DOCK2: variants seen among roughly 807,000 people sequenced by gnomAD.
DOCK2 encodes the protein dedicator of cytokinesis protein 2.
In DOCK2, 87 loss-of-function variants were observed where a neutral mutation model predicts 248.9. The observed-to-expected ratio is 0.35, with a 90% CI of 0.29 to 0.42. The LOEUF (loss-of-function observed/expected upper bound fraction) is 0.42, where lower values mean the gene tolerates loss of function less well. Ranked by LOEUF, DOCK2 falls within the 10% of genes least tolerant of loss-of-function variation. The probability of loss-of-function intolerance (pLI) is 1.00; values close to 1 mark genes in which losing one functional copy is unlikely to be tolerated. For synonymous variants in DOCK2, 805 were observed against 821.6 expected (o/e 0.98, Z 0.35); for missense variants, 1,747 against 2,300.2 (o/e 0.76, Z 4.92).
chr5:169,741,966 T>C (rs1233737456), intron 22 of DOCK2, among the ~76,000 whole-genome samples: 18 of 151,962 alleles, frequency 1.2e-4, no homozygotes, highest in Admixed American at 1.1e-3. Context: ...CCCACCACCC[T>C]GCCCAGCTAA....
chr5:169,703,139 A>G (rs1229749385), intron 14 of DOCK2, among the ~76,000 whole-genome samples: 1 of 152,140 alleles, frequency 6.6e-6, no homozygotes, highest in East Asian at 1.9e-4. Context: ...TTAGCTGAAA[A>G]GAAAATCAGC....
chr5:169,783,120 G>A (rs1192964076), intron 25 of DOCK2, among the ~76,000 whole-genome samples: 2 of 152,182 alleles, frequency 1.3e-5, no homozygotes, highest in Non-Finnish European at 2.9e-5. Flanking sequence ...GACTTCAGAG[G>A]AGAGAGCCAG....
At chr5:169,990,309 G>A (rs1005877923) in intron 29 of DOCK2, among the ~76,000 whole-genome samples, 10 of 152,090 alleles carry the variant, frequency 6.6e-5, no homozygotes, top group African/African-American at 2.4e-4. Flanking sequence ...ACATTGGCCA[G>A]GCTAGTCTCG....
At chr5:169,695,989 G>A in intron 10 of DOCK2, 51 bp downstream of exon 10, 2 of 1,535,766 alleles carry the variant, frequency 1.3e-6, no homozygotes, top group Non-Finnish European at 1.8e-6. Flanking sequence ...CACATTTTAT[G>A]TGGCTGAATT....
intron 32 of DOCK2, among the ~76,000 whole-genome samples, chr5:170,016,214 A>G (rs975623714): frequency 6.6e-6 from 1 of 152,180 alleles, no homozygotes; most frequent in African/African-American, 2.4e-5. Context: ...TCTAATTGGT[A>G]TCTGTTCCCA....
Position 169,719,499 on chromosome 5 carries a change from G to A in DOCK2, c.2267+708G>A, listed in dbSNP as rs73798760. 4.6e-5 allele frequency among the ~76,000 whole-genome samples: 7 copies of A among 152,268 alleles called. No homozygotes were observed. In the East Asian group the frequency reaches 5.8e-4, roughly 13 times the overall value. ...GATTCTTAGTGCAAACAAAGAACAC[G>A]CAACTGAAACTGACTTAGGGAGAAA... is the stretch of plus-strand genomic sequence containing the variant. On this transcript the variant is annotated intron_variant, in intron 22 of 51. Coordinates refer to ENST00000520908, the MANE Select transcript of DOCK2 (RefSeq NM_004946.3).
At chr5:169,665,780 G>A (rs1235595608) in intron 2 of DOCK2, among the ~76,000 whole-genome samples, 1 of 152,162 alleles carries the variant, frequency 6.6e-6, no homozygotes, top group Non-Finnish European at 1.5e-5. Context: ...AGGCCATGTG[G>A]CTTGGAAATG....
chr5:169,686,031 A>G (rs563399444), intron 8 of DOCK2, among the ~76,000 whole-genome samples: 1 of 152,342 alleles, frequency 6.6e-6, no homozygotes, highest in South Asian at 2.1e-4. Flanking sequence ...CTAACCTCAA[A>G]GAGTCAGCCC....
intron 35 of DOCK2, among the ~76,000 whole-genome samples, chr5:170,036,193 T>TAG (rs75993333): frequency 0.052 from 7,896 of 152,176 alleles, 311 homozygotes; most frequent in Middle Eastern, 0.23. Context: ...CTGGTTAAAG[T>TAG]AGACTACCCC....
chr5:169,915,827 A>C (rs1433655786), intron 27 of DOCK2, among the ~76,000 whole-genome samples: 3 of 152,216 alleles, frequency 2.0e-5, no homozygotes, highest in African/African-American at 7.2e-5. Context: ...ACATAAATCT[A>C]AGAAATGCAG....
intron 27 of DOCK2, among the ~76,000 whole-genome samples, chr5:169,906,865 C>T (rs1346152695): frequency 6.6e-6 from 1 of 152,172 alleles, no homozygotes; most frequent in Non-Finnish European, 1.5e-5. Flanking sequence ...CCGCCTCTGT[C>T]CTGCTGGAAA....
At chr5:169,829,926 G>A (rs1225755985) in intron 26 of DOCK2, among the ~76,000 whole-genome samples, 1 of 152,228 alleles carries the variant, frequency 6.6e-6, no homozygotes, top group Non-Finnish European at 1.5e-5. Flanking sequence ...TTCCTGGAAA[G>A]TAGACTGGAG....
chr5:170,067,901 T>C (rs1181459941), intron 45 of DOCK2, among the ~76,000 whole-genome samples: 1 of 152,132 alleles, frequency 6.6e-6, no homozygotes, highest in African/African-American at 2.4e-5. Flanking sequence ...TACCCTGTGC[T>C]GGGGCAGGGA....
At chr5:169,784,594 A>T (rs1441809397) in intron 25 of DOCK2, among the ~76,000 whole-genome samples, 1 of 152,208 alleles carries the variant, frequency 6.6e-6, no homozygotes, top group African/African-American at 2.4e-5. Context: ...ATTCCTTTTC[A>T]ATCTTTCTGA....
At chr5:170,017,661 G>A (rs932629721) in intron 32 of DOCK2, among the ~76,000 whole-genome samples, 2 of 152,128 alleles carry the variant, frequency 1.3e-5, no homozygotes, top group African/African-American at 4.8e-5. Context: ...AACCTTATAA[G>A]ATAAATACTG....
At chr5:169,904,065 C>T (rs1006581714) in intron 27 of DOCK2, among the ~76,000 whole-genome samples, 13 of 135,386 alleles carry the variant, frequency 9.6e-5, no homozygotes, top group African/African-American at 3.3e-4. Flanking sequence ...TGACTCCAGC[C>T]TGGGCAACAG....
intron 41 of DOCK2, among the ~76,000 whole-genome samples, chr5:170,053,381 A>G (rs1364261446): frequency 2.6e-5 from 4 of 152,268 alleles, no homozygotes; most frequent in African/African-American, 9.6e-5. Context: ...GTGGGAGAGC[A>G]GCCACTGAAA....
intron 46 of DOCK2, among the ~76,000 whole-genome samples, chr5:170,069,953 C>T (rs1316663457): frequency 1.3e-5 from 2 of 152,080 alleles, no homozygotes; most frequent in Non-Finnish European, 2.9e-5. Flanking sequence ...CTTTTGCCCC[C>T]CACCCCCACA....
intron 28 of DOCK2, among the ~76,000 whole-genome samples, chr5:169,985,557 T>G (rs1411282484): frequency 1.3e-5 from 2 of 152,228 alleles, no homozygotes; most frequent in Non-Finnish European, 2.9e-5. Context: ...GCCACATCAA[T>G]GAGTACATTT....
Sources: gnomAD v4.1 joint callset for allele counts (sites outside exome capture counted in the v4.1 genomes callset) on GRCh38, gnomAD v4.1.1 for gene constraint, MANE v1.5 for transcripts, NCBI Gene and HGNC (gene_info 2026-07-23, HGNC 2026-07-21) for gene names.